The following ZCCHC8 variants were observed in gnomAD, a reference collection of about 807,000 sequenced individuals.
ZCCHC8 encodes the protein zinc finger CCHC domain-containing protein 8.
ZCCHC8 carries 27 observed loss-of-function variants against 70.6 expected under a neutral mutation model. The ratio of observed to expected loss-of-function variants is 0.38; its 90% CI spans 0.28 to 0.53. ZCCHC8 has a LOEUF of 0.53. Among genes scored for constraint, ZCCHC8 ranks in the 20% least tolerant of loss-of-function variants. ZCCHC8 has a pLI of 0.81. For synonymous variants in ZCCHC8, 293 were observed against 317.4 expected (o/e 0.92, Z 0.82); for missense variants, 737 against 876.9 (o/e 0.84, Z 2.01).
rs895554382 is a variant in ZCCHC8 at position 122,483,886 on chromosome 12, T to C, written c.502-323A>G. On this transcript the variant is annotated intron_variant, in intron 5 of 13. Transcript: ENST00000633063. The surrounding 1 kb of genome is among the most constrained non-coding windows in gnomAD (Gnocchi z 4.4). ...TTTCATTGCTTCTCTTTGCAAGACA[T>C]GCAGACCCTTTAGTTATTGTTTCCA... 4.3e-6 allele frequency: 1 copy of C among 233,348 alleles called. No individual in the cohort carries two copies. Among genetic ancestry groups the C allele is most frequent in the African/African-American group, 2.3e-5 (1 of 43,300 alleles). 14.5% of individuals were successfully genotyped at this position (233,348 alleles called of 1,614,324 possible).
At position 122,472,087 on chromosome 12, in the gene ZCCHC8, A is replaced by G. The variant is rs1003998487; in HGVS notation, c.*1410T>C. Reference sequence around the variant, plus strand: ...CTGCATGCCATTCATTTTTCAAAATAATTACTTTTCAAAAATTCTGCTGTT... The same window carrying G: ...CTGCATGCCATTCATTTTTCAAAATGATTACTTTTCAAAAATTCTGCTGTT... On this transcript the variant is annotated 3_prime_UTR_variant, in exon 14 of 14. Transcript: ENST00000633063. 2 of 152,150 alleles carry G rather than the reference A, an allele frequency of 1.3e-5. No individual in the cohort carries two copies. The highest frequency in any genetic ancestry group is 2.9e-5 in the Non-Finnish European group (2 of 68,032). The allele number at this position is 152,150 out of a possible 1,614,324, so 9.4% of individuals were successfully genotyped here. A position where few individuals can be genotyped will look rare whatever the true frequency, so the allele number is the denominator to read the frequency against.
Position 122,500,630 on chromosome 12 carries a change from AG to A in ZCCHC8, c.199+11del, listed in dbSNP as rs1957911534. On this transcript the variant is annotated intron_variant, in intron 1 of 13. Transcript: ENST00000633063. This position sits in a 1 kb window ranked among gnomAD's most constrained non-coding sequence, Gnocchi z 4.8. ...CACCCGGGTGACAGGGCCCAGCGAGAGGAAAGGATATTCTCGGCGCGGAGCT... is the reference window on the plus strand; with the variant it reads ...CACCCGGGTGACAGGGCCCAGCGAGAGAAAGGATATTCTCGGCGCGGAGCT... 1.9e-6 allele frequency: 3 copies of A among 1,559,028 alleles called. No individual in the cohort carries two copies. Among genetic ancestry groups the A allele is most frequent in the Non-Finnish European group, 2.6e-6 (3 of 1,154,056 alleles).
intron 2 of ZCCHC8, 93 bp from the exon 3 acceptor site, chr12:122,492,882 CT>C (rs1957772395): frequency 3.4e-6 from 3 of 892,206 alleles, no homozygotes; most frequent in Admixed American, 2.5e-5. Context: ...TTTTTTTTTC[CT>C]TTTTTGACAC....
rs1479416709 is a variant in ZCCHC8 at position 122,472,165 on chromosome 12, C to T, written c.*1332G>A. On this transcript the variant is annotated 3_prime_UTR_variant, in exon 14 of 14. Coordinates refer to ENST00000633063, the MANE Select transcript of ZCCHC8 (RefSeq NM_017612.5). Reference sequence around the variant, plus strand: ...AAACACCCAAACTTGCAATTCCTATCATTATTTTTGTTTTGCTACCACTGA... The same window carrying T: ...AAACACCCAAACTTGCAATTCCTATTATTATTTTTGTTTTGCTACCACTGA... The T allele has an allele frequency of 6.6e-6, 1 of 150,498 alleles. No homozygotes were observed. The highest frequency in any genetic ancestry group is 1.5e-5 in the Non-Finnish European group (1 of 67,686). The allele number at this position is 150,498 out of a possible 1,614,324, so 9.3% of individuals were successfully genotyped here. A position where few individuals can be genotyped will look rare whatever the true frequency, so the allele number is the denominator to read the frequency against.
intron 2 of ZCCHC8, 101 bp downstream of exon 2, chr12:122,498,726 A>C (rs753354080): frequency 1.8e-6 from 2 of 1,123,474 alleles, no homozygotes; most frequent in Non-Finnish European, 2.6e-6. Context: ...TAAAAATGAT[A>C]CAAAAATCCC....
In ZCCHC8 at chr12:122,473,423, T is replaced by G; in HGVS notation, c.*74A>C. 1 of 1,445,944 alleles carries G rather than the reference T, an allele frequency of 6.9e-7. No individual in the cohort carries two copies. Among genetic ancestry groups the G allele is most frequent in the Non-Finnish European group, 9.3e-7 (1 of 1,072,360 alleles). The allele number at this position is 1,445,944 out of a possible 1,614,324, so 89.6% of individuals were successfully genotyped here. A position where few individuals can be genotyped will look rare whatever the true frequency, so the allele number is the denominator to read the frequency against. On this transcript the variant is annotated 3_prime_UTR_variant, in exon 14 of 14. Transcript: ENST00000633063. ...TGGGAGGGACAAACAGGAAAACCAT[T>G]CTATCTATCCACTTAATTAGTACTA...
chr12:122,492,239 CAA>C (rs1957760029), intron 3 of ZCCHC8: 1 of 166,990 alleles, frequency 6.0e-6, no homozygotes, highest in Admixed American at 6.4e-5. Flanking sequence ...TGATGGTTTG[CAA>C]AAGTCTAGTT....
At chr12:122,492,657 A>C in intron 3 of ZCCHC8, 58 bp downstream of exon 3, 4 of 1,096,144 alleles carry the variant, frequency 3.6e-6, no homozygotes, top group Non-Finnish European at 5.3e-6. Flanking sequence ...GCATATTTAT[A>C]GAGAAAATTG....
At chr12:122,496,215 A>T (rs1957824714) in intron 2 of ZCCHC8, among the ~76,000 whole-genome samples, 1 of 152,166 alleles carries the variant, frequency 6.6e-6, no homozygotes, top group African/African-American at 2.4e-5. Context: ...TGATTATAAC[A>T]GTTTCAAAAA....
rs374932518 is a variant in ZCCHC8, at chr12:122,477,841, C to A, written c.1345G>T (p.Asp449Tyr). Residue 449 changes from aspartate to tyrosine, a missense_variant and splice_region_variant, in exon 13 of 14, where the codon GAT becomes TAT. By Grantham distance (160) the Asp-to-Tyr change is radical. Coordinates refer to ENST00000633063, the MANE Select transcript of ZCCHC8 (RefSeq NM_017612.5). ...ATCAGAGCCATAGGATGAAACCTAC[C>A]TGAATCGAGCTCCATGTCGGCGGGA... Reference protein sequence around the residue: ...GSPADMELDSDMEVPHGSQSS... With the variant: ...GSPADMELDSYMEVPHGSQSS... 1.9e-6 allele frequency: 3 copies of A among 1,604,708 alleles called. No homozygotes were observed. The highest frequency in any genetic ancestry group is 2.6e-6 in the Non-Finnish European group (3 of 1,172,348).
At chr12:122,496,912 CGAGGCGGGCAGATCA>C (rs1196591209) in intron 2 of ZCCHC8, among the ~76,000 whole-genome samples, 1 of 151,594 alleles carries the variant, frequency 6.6e-6, no homozygotes, top group Non-Finnish European at 1.5e-5. Context: ...TTTGGGAAGC[CGAGGCGGGCAGATCA>C]TGATGTCAGG....
chr12:122,496,245 C>A (rs766320428), intron 2 of ZCCHC8, among the ~76,000 whole-genome samples: 18 of 152,130 alleles, frequency 1.2e-4, no homozygotes, highest in Middle Eastern at 3.4e-3. Context: ...AATCAAAAGG[C>A]TTGAGAGCAC....
chr12:122,487,109 A>G (rs575912533), intron 5 of ZCCHC8, among the ~76,000 whole-genome samples: 3 of 152,228 alleles, frequency 2.0e-5, no homozygotes, highest in Admixed American at 6.5e-5. Context: ...TACTTCCTCA[A>G]TGCATCCAAG....
intron 8 of ZCCHC8, chr12:122,482,346 T>C (rs998418254): frequency 2.5e-5 from 11 of 436,382 alleles, no homozygotes; most frequent in Non-Finnish European, 4.0e-5. Context: ...TCATCTCAAA[T>C]ACAAAGAGTA....
At position 122,473,508 on chromosome 12, in the gene ZCCHC8, C is replaced by G; in HGVS notation, c.2113G>C (p.Ala705Pro). 1 of 1,613,280 alleles carries G rather than the reference C, an allele frequency of 6.2e-7. No homozygotes were observed. Among genetic ancestry groups the G allele is most frequent in the Non-Finnish European group, 8.5e-7 (1 of 1,179,578 alleles). ...GCTAAGTCAAGCCATTATTCAGAGGCCTTTTTGTTTTTCTGCTGGTTTCGG... is the reference window on the plus strand; with the variant it reads ...GCTAAGTCAAGCCATTATTCAGAGGGCTTTTTGTTTTTCTGCTGGTTTCGG... The part of the protein sequence containing the change: ...SPRNQQKNKK[A>P]SE Residue 705 changes from alanine to proline, a missense_variant, in exon 14 of 14, where the codon GCC (alanine) becomes CCC (proline). Transcript: ENST00000633063.
rs1280783537 is a variant in ZCCHC8, at chr12:122,472,033, C to A, written c.*1464G>T. 6.6e-6 allele frequency: 1 copy of A among 152,030 alleles called. No homozygotes were observed. Among genetic ancestry groups the A allele is most frequent in the Non-Finnish European group, 1.5e-5 (1 of 68,012 alleles). The allele number at this position is 152,030 out of a possible 1,614,324, so 9.4% of individuals were successfully genotyped here. A position where few individuals can be genotyped will look rare whatever the true frequency, so the allele number is the denominator to read the frequency against. ...AATTTTTAACTATTAGGGTTCAAAT[C>A]TAGAAAATTATTTTTATACAAAGGC... is the stretch of plus-strand genomic sequence containing the variant. On this transcript the variant is annotated 3_prime_UTR_variant, in exon 14 of 14. Transcript: ENST00000633063.
chr12:122,474,315 T>C, intron 13 of ZCCHC8, 40 bp from the exon 14 acceptor site: 2 of 1,336,714 alleles, frequency 1.5e-6, no homozygotes, highest in Non-Finnish European at 1.9e-6. Context: ...GAACTTATAA[T>C]AGCATTTGGT....
intron 11 of ZCCHC8, 91 bp downstream of exon 11, chr12:122,480,099 A>G (rs749639471): frequency 8.1e-6 from 10 of 1,238,852 alleles, no homozygotes; most frequent in Non-Finnish European, 1.1e-5. Flanking sequence ...GGTGTGAGCC[A>G]CTATGCCTAG....
Position 122,482,897 on chromosome 12 carries a change from G to A in ZCCHC8, c.672-202C>T. 3 of 541,156 alleles carry A rather than the reference G, an allele frequency of 5.5e-6. No homozygotes were observed. In the Admixed American group the frequency reaches 1.0e-4, roughly 19 times the overall value. 33.5% of individuals were successfully genotyped at this position (541,156 alleles called of 1,614,324 possible). On this transcript the variant is annotated intron_variant, in intron 7 of 13. Coordinates refer to ENST00000633063, the MANE Select transcript of ZCCHC8 (RefSeq NM_017612.5). ...GTACTATGCAGAGTCTTTTAACCAA[G>A]AACCCTTCTGTTCCTGACTGATCTG...
Sources: allele counts gnomAD v4.1 joint callset (sites outside exome capture counted in the v4.1 genomes callset), GRCh38; gene constraint gnomAD v4.1.1; non-coding constraint Gnocchi (gnomAD v3.1); transcripts MANE v1.5; gene names NCBI Gene and HGNC (gene_info 2026-07-23, HGNC 2026-07-21).